ANO2: variants seen among roughly 807,000 people sequenced by gnomAD.
ANO2 encodes the protein anoctamin 2.
A neutral mutation model predicts 124.2 loss-of-function variants in ANO2; 101 were observed. The observed-to-expected ratio is 0.81, with a 90% confidence interval of 0.69 to 0.96. ANO2 has a LOEUF of 0.96. Among genes scored for constraint, ANO2 ranks in the 40% least tolerant of loss-of-function variants. ANO2 has a pLI of 0.00. For synonymous variants in ANO2, 486 were observed against 482.5 expected (o/e 1.01, Z -0.09); for missense variants, 1,293 against 1,274.5 (o/e 1.01, Z -0.22).
At chr12:5,931,404 T>C (rs995792069) in intron 1 of ANO2, among the ~76,000 whole-genome samples, 1 of 152,122 alleles carries the variant, frequency 6.6e-6, no homozygotes, top group Non-Finnish European at 1.5e-5. Flanking sequence ...CCACGTATTG[T>C]ATAAAACATT....
chr12:5,731,200 A>C (rs569303493), intron 14 of ANO2, among the ~76,000 whole-genome samples: 1 of 152,366 alleles, frequency 6.6e-6, no homozygotes, highest in African/African-American at 2.4e-5. Flanking sequence ...GACAGAACAC[A>C]GAATGCTTGC....
At chr12:5,940,907 T>C (rs1352248374) in intron 1 of ANO2, among the ~76,000 whole-genome samples, 3 of 152,098 alleles carry the variant, frequency 2.0e-5, no homozygotes, top group South Asian at 2.1e-4. Context: ...CCCAAGGAAA[T>C]AGATTTCAGC....
chr12:5,700,439 C>T (rs1949357228), intron 14 of ANO2, among the ~76,000 whole-genome samples: 2 of 152,140 alleles, frequency 1.3e-5, no homozygotes, highest in African/African-American at 2.4e-5. Flanking sequence ...ACATTTAAAG[C>T]AGTATGTAAA....
Position 5,575,943 on chromosome 12 carries a change from TC to T in ANO2, c.2511del (p.Thr838LeufsTer18). 2 of 1,613,252 alleles carry T rather than the reference TC, an allele frequency of 1.2e-6. No individual in the cohort carries two copies. Among genetic ancestry groups the T allele is most frequent in the South Asian group, 2.2e-5 (2 of 90,818 alleles). On this transcript the variant is annotated frameshift_variant, in exon 23 of 25. Coordinates refer to ENST00000682330, the MANE Select transcript of ANO2 (RefSeq NM_001364791.2). LOFTEE classifies it high-confidence loss of function. ...LVYQYSYSHN[G>X]TLHGFVNHTL... ...GTGTGGTTGACAAAGCCGTGCAGAG[TC>T]CCATTGTGACTGTAGGAGTACTGGT...
At chr12:5,650,949 G>T (rs1946886384) in intron 14 of ANO2, among the ~76,000 whole-genome samples, 1 of 152,202 alleles carries the variant, frequency 6.6e-6, no homozygotes, top group African/African-American at 2.4e-5. Flanking sequence ...AGAGGTATGA[G>T]AACTCTTAGC....
chr12:5,803,288 G>A lies in ANO2; in HGVS notation c.990+2764C>T, dbSNP rs12320962. On this transcript the variant is annotated intron_variant, in intron 9 of 24. Transcript: ENST00000682330. ...GTCTCCACACAGTAACATGAAAGTC[G>A]TGCAGCACGGCAAAATGAATCCTCA... Among the ~76,000 whole-genome samples the A allele has an allele frequency of 2.1e-3, 318 of 152,270 alleles. 1 individual carries two copies. Among genetic ancestry groups the A allele is most frequent in the African/African-American group, 7.4e-3 (309 of 41,540 alleles).
intron 10 of ANO2, among the ~76,000 whole-genome samples, chr12:5,793,004 G>T (rs914053843): frequency 6.6e-6 from 1 of 152,194 alleles, no homozygotes; most frequent in African/African-American, 2.4e-5. Context: ...AGGCTGTGTG[G>T]GGAACACACG....
chr12:5,677,717 G>A (rs568927384), intron 14 of ANO2, among the ~76,000 whole-genome samples: 1 of 152,294 alleles, frequency 6.6e-6, no homozygotes, highest in African/African-American at 2.4e-5. Context: ...CAAAGGAAAT[G>A]ACTACCAGTG....
At chr12:5,827,717 G>A (rs747792749) in intron 7 of ANO2, 52 bp downstream of exon 7, 3 of 1,576,952 alleles carry the variant, frequency 1.9e-6, no homozygotes, top group East Asian at 2.3e-5. Context: ...AGCACGGGGC[G>A]GGAGCCGCCT....
chr12:5,927,593 C>A (rs769235450), intron 1 of ANO2, among the ~76,000 whole-genome samples: 1 of 152,230 alleles, frequency 6.6e-6, no homozygotes, highest in African/African-American at 2.4e-5. Context: ...GGGCTTCCAA[C>A]GACCATTTCC....
At chr12:5,726,113 A>G (rs1422084593) in intron 14 of ANO2, among the ~76,000 whole-genome samples, 1 of 152,058 alleles carries the variant, frequency 6.6e-6, no homozygotes, top group African/African-American at 2.4e-5. Context: ...ACAGCAGTCT[A>G]GAAAAGATTC....
intron 3 of ANO2, among the ~76,000 whole-genome samples, chr12:5,907,983 A>G (rs1439920393): frequency 6.6e-6 from 1 of 152,214 alleles, no homozygotes; most frequent in African/African-American, 2.4e-5. Flanking sequence ...GTTGGTCTGA[A>G]TGCAACCTCC....
chr12:5,639,746 A>G (rs1591796965), intron 15 of ANO2, among the ~76,000 whole-genome samples: 1 of 152,190 alleles, frequency 6.6e-6, no homozygotes, highest in Non-Finnish European at 1.5e-5. Context: ...TCCACACCTC[A>G]GGAGATGGGA....
chr12:5,722,323 G>A (rs66525344), intron 14 of ANO2, among the ~76,000 whole-genome samples: 31,378 of 152,028 alleles, frequency 0.21, 3,464 homozygotes, highest in Middle Eastern at 0.27. Context: ...TGGCTAACAC[G>A]GTGAAACCCC....
rs149972273 is a variant in ANO2, at chr12:5,732,874, G to A, written c.1435-244C>T. ...CACACTGAAAACCAAACCTGGGCACGTTCCTGGGGATAGCGCCGGTGTTGA... is the reference window on the plus strand; with the variant it reads ...CACACTGAAAACCAAACCTGGGCACATTCCTGGGGATAGCGCCGGTGTTGA... On this transcript the variant is annotated intron_variant, in intron 13 of 24. Coordinates refer to ENST00000682330, the MANE Select transcript of ANO2 (RefSeq NM_001364791.2). 2.8e-3 allele frequency: 4,520 copies of A among 1,613,970 alleles called. 89 individuals are homozygous for A. The highest frequency in any genetic ancestry group is 0.026 in the East Asian group (1,168 of 44,878).
chr12:5,705,055 T>C (rs1292730001), intron 14 of ANO2, among the ~76,000 whole-genome samples: 1 of 152,162 alleles, frequency 6.6e-6, no homozygotes, highest in East Asian at 1.9e-4. Flanking sequence ...TCCAACAAGG[T>C]TTCACTGAAA....
At chr12:5,652,564 G>C (rs900600080) in intron 14 of ANO2, among the ~76,000 whole-genome samples, 11 of 151,756 alleles carry the variant, frequency 7.2e-5, no homozygotes, top group African/African-American at 2.7e-4. Flanking sequence ...TGTCCCCTTA[G>C]ACTCCTCGAA....
chr12:5,851,423 C>T (rs986994587), intron 4 of ANO2, among the ~76,000 whole-genome samples: 10 of 151,996 alleles, frequency 6.6e-5, no homozygotes, highest in Admixed American at 2.6e-4. Context: ...TGTGGTGGCT[C>T]ACGCTTGTAA....
chr12:5,924,179 C>T (rs1035181402), intron 1 of ANO2, among the ~76,000 whole-genome samples: 1 of 152,250 alleles, frequency 6.6e-6, no homozygotes, highest in Non-Finnish European at 1.5e-5. Context: ...TGAAACAGAA[C>T]TCCCGGCCCT....
Sources: gnomAD v4.1 joint callset for allele counts (sites outside exome capture counted in the v4.1 genomes callset) on GRCh38, gnomAD v4.1.1 for gene constraint, MANE v1.5 for transcripts, NCBI Gene and HGNC (gene_info 2026-07-23, HGNC 2026-07-21) for gene names.